Variants in MAPK10 observed in about 807,000 individuals in gnomAD.
MAPK10 encodes the protein JNK3 alpha protein kinase.
In MAPK10, 25 loss-of-function variants were observed where a neutral mutation model predicts 59.3. The observed-to-expected ratio is 0.42, with a 90% confidence interval of 0.31 to 0.59. The LOEUF (loss-of-function observed/expected upper bound fraction) is 0.59. Among genes scored for constraint, MAPK10 ranks in the 20% least tolerant of loss-of-function variants. The pLI, the probability that MAPK10 is intolerant of heterozygous loss-of-function variation, is 0.15. For missense variants in MAPK10, 351 were observed against 568.9 expected (o/e 0.62, Z 3.90); for synonymous variants, 190 against 200.5 (o/e 0.95, Z 0.44).
At chr4:86,044,117 T>G (rs1253484779) in intron 11 of MAPK10, among the ~76,000 whole-genome samples, 2 of 152,196 alleles carry the variant, frequency 1.3e-5, no homozygotes, top group Non-Finnish European at 2.9e-5. Flanking sequence ...TGAAATGCTG[T>G]TAATCAGGAT....
intron 4 of MAPK10, among the ~76,000 whole-genome samples, chr4:86,146,128 T>C (rs945286720): frequency 6.6e-6 from 1 of 152,116 alleles, no homozygotes; most frequent in Non-Finnish European, 1.5e-5. Context: ...CAGAGTAGAG[T>C]GCATAGAAAT....
intron 9 of MAPK10, among the ~76,000 whole-genome samples, chr4:86,073,272 G>T (rs1446210012): frequency 6.8e-6 from 1 of 146,848 alleles, no homozygotes; most frequent in Non-Finnish European, 1.5e-5. Context: ...TGTCTATTTG[G>T]TTCTTCTCTC....
intron 1 of MAPK10, among the ~76,000 whole-genome samples, chr4:86,406,305 C>T (rs1305416411): frequency 2.0e-5 from 3 of 152,134 alleles, no homozygotes; most frequent in Non-Finnish European, 4.4e-5. Context: ...GAATTAGAAA[C>T]GCTGGAATTG....
chr4:86,223,688 T>A (rs374551283), intron 2 of MAPK10, among the ~76,000 whole-genome samples: 1 of 152,166 alleles, frequency 6.6e-6, no homozygotes. Context: ...CTGCACCACA[T>A]CTGGGCAAAC....
At chr4:86,133,738 A>G (rs1037541031) in intron 4 of MAPK10, among the ~76,000 whole-genome samples, 2 of 152,220 alleles carry the variant, frequency 1.3e-5, no homozygotes, top group African/African-American at 2.4e-5. Flanking sequence ...GGTGGCTCCA[A>G]CTGAGATTAA....
intron 1 of MAPK10, among the ~76,000 whole-genome samples, chr4:86,424,815 T>A (rs2149036242): frequency 6.6e-6 from 1 of 152,196 alleles, no homozygotes; most frequent in South Asian, 2.1e-4. Flanking sequence ...TGTGACTAAT[T>A]TGATATGAAG....
chr4:86,472,756 A>C (rs1308215996), intron 1 of MAPK10, among the ~76,000 whole-genome samples: 3 of 152,210 alleles, frequency 2.0e-5, no homozygotes, highest in African/African-American at 7.2e-5. Flanking sequence ...TAGGGTCTGG[A>C]GGCAGGGGAA....
intron 1 of MAPK10, among the ~76,000 whole-genome samples, chr4:86,518,230 C>T (rs193148325): frequency 6.6e-6 from 1 of 152,198 alleles, no homozygotes; most frequent in Admixed American, 6.5e-5. Flanking sequence ...GCCATGTTGG[C>T]CAGGCTTGCC....
intron 2 of MAPK10, among the ~76,000 whole-genome samples, chr4:86,211,944 T>C (rs1443613909): frequency 6.6e-6 from 1 of 151,958 alleles, no homozygotes; most frequent in Non-Finnish European, 1.5e-5. Context: ...AAAACAGTTA[T>C]AGAATCTATA....
chr4:86,527,244 C>T (rs867602749), intron 1 of MAPK10, among the ~76,000 whole-genome samples: 2 of 137,856 alleles, frequency 1.5e-5, no homozygotes, highest in Middle Eastern at 3.4e-3. Flanking sequence ...CCTGGGAGGT[C>T]GAGGCCGCAG....
chr4:86,371,702 G>C (rs1400886701), intron 1 of MAPK10, among the ~76,000 whole-genome samples: 1 of 152,150 alleles, frequency 6.6e-6, no homozygotes, highest in Non-Finnish European at 1.5e-5. Flanking sequence ...CACTGGGATT[G>C]GTTACACAGT....
At chr4:86,244,451 T>C (rs1361489601) in intron 2 of MAPK10, among the ~76,000 whole-genome samples, 3 of 152,254 alleles carry the variant, frequency 2.0e-5, no homozygotes, top group African/African-American at 7.2e-5. Flanking sequence ...TTTTAAAATA[T>C]ATCACTGCTC....
chr4:86,046,275 T>TC (rs1355808482), intron 11 of MAPK10, among the ~76,000 whole-genome samples: 1 of 151,640 alleles, frequency 6.6e-6, no homozygotes, highest in Non-Finnish European at 1.5e-5. Flanking sequence ...CTTCCTGTCT[T>TC]CCTATTTGAA....
At chr4:86,395,822 T>C (rs1223496287) in intron 1 of MAPK10, among the ~76,000 whole-genome samples, 1 of 152,186 alleles carries the variant, frequency 6.6e-6, no homozygotes, top group Non-Finnish European at 1.5e-5. Context: ...CTGGTGTCTC[T>C]TCCTCATCCT....
intron 2 of MAPK10, among the ~76,000 whole-genome samples, chr4:86,199,681 C>G (rs895592112): frequency 2.9e-4 from 44 of 151,902 alleles, no homozygotes; most frequent in Admixed American, 9.2e-4. Flanking sequence ...ATTATTTAAA[C>G]CCTATGAAAC....
chr4:86,504,177 C>G (rs781775811), intron 1 of MAPK10, among the ~76,000 whole-genome samples: 43 of 151,842 alleles, frequency 2.8e-4, no homozygotes, highest in Non-Finnish European at 1.6e-4. Context: ...ATATAAGCAC[C>G]CTGAGGGAGG....
chr4:86,131,686 G>A (rs922468713), intron 4 of MAPK10, among the ~76,000 whole-genome samples: 1 of 152,124 alleles, frequency 6.6e-6, no homozygotes, highest in Non-Finnish European at 1.5e-5. Context: ...CCTGTTTGTA[G>A]GCCAGTAAGT....
At chr4:86,555,176 G>A (rs1417191454) in intron 1 of MAPK10, among the ~76,000 whole-genome samples, 2 of 152,312 alleles carry the variant, frequency 1.3e-5, no homozygotes, top group East Asian at 1.9e-4. Flanking sequence ...TGCCGGGCAC[G>A]GTGGCTCATG....
At chr4:86,556,992 C>T (rs1261635514) in intron 1 of MAPK10, among the ~76,000 whole-genome samples, 2 of 151,930 alleles carry the variant, frequency 1.3e-5, no homozygotes, top group African/African-American at 2.4e-5. Flanking sequence ...TGGGACAGAG[C>T]CATTTTAAAT....
Sources: allele counts gnomAD v4.1 joint callset (sites outside exome capture counted in the v4.1 genomes callset), GRCh38; gene constraint gnomAD v4.1.1; transcripts MANE v1.5; gene names NCBI Gene and HGNC (gene_info 2026-07-23, HGNC 2026-07-21).